ELAPOR2: variants seen among roughly 807,000 people sequenced by gnomAD.
The protein encoded by ELAPOR2 is endosome-lysosome associated apoptosis and autophagy regulator family member 2.
Under a neutral mutation model 120.7 loss-of-function variants are expected in ELAPOR2, and 89 were observed. The ratio of observed to expected loss-of-function variants is 0.74; its 90% CI spans 0.62 to 0.88. The LOEUF (loss-of-function observed/expected upper bound fraction) is 0.88, where lower values mean the gene tolerates loss of function less well. Among genes scored for constraint, ELAPOR2 ranks in the 40% least tolerant of loss-of-function variants. The pLI, the probability that ELAPOR2 is intolerant of heterozygous loss-of-function variation, is 0.00. For synonymous variants in ELAPOR2, 444 were observed against 444.9 expected (o/e 1.00, Z 0.03); for missense variants, 1,134 against 1,251.6 (o/e 0.91, Z 1.42).
At chr7:87,050,125 C>A (rs1795059194) in intron 1 of ELAPOR2, among the ~76,000 whole-genome samples, 1 of 152,152 alleles carries the variant, frequency 6.6e-6, no homozygotes, top group South Asian at 2.1e-4. Context: ...CTTACCCAAT[C>A]TATGGTATTC....
intron 18 of ELAPOR2, among the ~76,000 whole-genome samples, chr7:86,902,336 C>T (rs1204947368): frequency 6.6e-6 from 1 of 152,074 alleles, no homozygotes; most frequent in East Asian, 1.9e-4. Context: ...GCCACAATGC[C>T]CAGCTAATTT....
chr7:86,999,836 C>G (rs1793252748), intron 1 of ELAPOR2, among the ~76,000 whole-genome samples: 1 of 152,108 alleles, frequency 6.6e-6, no homozygotes, highest in African/African-American at 2.4e-5. Context: ...TAAGGATAAA[C>G]TCTTTGCATT....
chr7:86,886,296 C>A (rs1268996789), intron 21 of ELAPOR2, among the ~76,000 whole-genome samples: 5 of 152,072 alleles, frequency 3.3e-5, no homozygotes, highest in Non-Finnish European at 7.4e-5. Flanking sequence ...TCTACTTGTT[C>A]TTTTATATCA....
chr7:86,910,198 A>G (rs1584337721), intron 15 of ELAPOR2, among the ~76,000 whole-genome samples, 197 bp from the exon 16 acceptor site: 1 of 152,202 alleles, frequency 6.6e-6, no homozygotes, highest in East Asian at 1.9e-4. Flanking sequence ...ATTCAACCAA[A>G]CTTCAGAGTC....
intron 1 of ELAPOR2, chr7:86,965,811 T>C (rs1329096983): frequency 2.0e-6 from 2 of 985,220 alleles, no homozygotes; most frequent in Non-Finnish European, 2.4e-6. Context: ...TTCAATACCT[T>C]ACTTATTCAG....
At chr7:86,982,183 G>A (rs539553906) in intron 1 of ELAPOR2, among the ~76,000 whole-genome samples, 13 of 152,378 alleles carry the variant, frequency 8.5e-5, no homozygotes, top group Middle Eastern at 3.4e-3. Flanking sequence ...GGAGCCCAAC[G>A]CAGCTCAGCA....
intron 3 of ELAPOR2, 119 bp from the exon 4 acceptor site, chr7:86,945,165 A>T (rs751900878): frequency 2.8e-4 from 243 of 876,614 alleles, no homozygotes; most frequent in Non-Finnish European, 1.8e-4. Flanking sequence ...AGAAAACACC[A>T]GAAGCTTTTC....
In ELAPOR2 at chr7:86,925,636, C is replaced by A. The variant is rs933522338; in HGVS notation, c.1291G>T (p.Gly431Ter). 2 of 1,611,844 alleles carry A rather than the reference C, an allele frequency of 1.2e-6. No homozygotes were observed. Among genetic ancestry groups the A allele is most frequent in the Non-Finnish European group, 1.7e-6 (2 of 1,178,494 alleles). The change falls in exon 10 of 22, where the codon GGA (glycine) becomes TGA (stop). Residue 431 changes from glycine (G) to a stop codon, truncating the protein, a stop_gained. Transcript: ENST00000450689. LOFTEE classifies it high-confidence loss of function. The part of the protein sequence containing the change: ...GTKECRPCPA[G>*]TEPALGFEYK... ...TCAAAGCCAAGTGCAGGCTCCGTTC[C>A]TGCTGGACATGGTCTACATTCTACA...
chr7:86,946,296 A>C (rs1336649790), intron 3 of ELAPOR2, among the ~76,000 whole-genome samples: 1 of 152,186 alleles, frequency 6.6e-6, no homozygotes, highest in Admixed American at 6.5e-5. Flanking sequence ...TACTGGTGGG[A>C]GTCTACAATG....
intron 8 of ELAPOR2, among the ~76,000 whole-genome samples, chr7:86,936,964 A>T (rs1790586734): frequency 1.3e-5 from 2 of 152,098 alleles, no homozygotes; most frequent in South Asian, 4.1e-4. Context: ...TGCCTTACTT[A>T]TTAATAAGGC....
At chr7:86,992,165 T>A (rs1792963277) in intron 1 of ELAPOR2, among the ~76,000 whole-genome samples, 1 of 152,118 alleles carries the variant, frequency 6.6e-6, no homozygotes, top group Admixed American at 6.5e-5. Context: ...GTAGCTAACA[T>A]CTGTAATCCC....
chr7:86,964,813 C>G (rs752885596), intron 2 of ELAPOR2, 91 bp downstream of exon 2: 359 of 1,391,622 alleles, frequency 2.6e-4, no homozygotes, highest in Middle Eastern at 7.2e-4. Flanking sequence ...TTTGTAAGGT[C>G]TCCTACATTC....
At position 86,899,712 on chromosome 7, in the gene ELAPOR2, G is replaced by A. The variant is rs913066109; in HGVS notation, c.2559-2080C>T. Among the ~76,000 whole-genome samples, 3 of 152,212 alleles carry A rather than the reference G, an allele frequency of 2.0e-5. No homozygotes were observed. The South Asian group carries it at 6.2e-4, about 32-fold the overall frequency. On this transcript the variant is annotated intron_variant, in intron 18 of 21. Transcript: ENST00000450689. ...CAAAGTGTCTGTAGACTAAGCAGAG[G>A]TGGTGGGATGTGAATAAAAGCAATG...
intron 1 of ELAPOR2, among the ~76,000 whole-genome samples, chr7:86,969,238 G>A (rs1243597547): frequency 3.9e-5 from 6 of 151,996 alleles, no homozygotes; most frequent in Non-Finnish European, 8.8e-5. Flanking sequence ...TGGATGTCAT[G>A]GTACCCCCTC....
chr7:86,979,207 G>C (rs1443460782), intron 1 of ELAPOR2, among the ~76,000 whole-genome samples: 1 of 152,116 alleles, frequency 6.6e-6, no homozygotes. Flanking sequence ...TGCCACAAGA[G>C]GTAATATAAT....
chr7:86,926,719 A>C lies in ELAPOR2; in HGVS notation c.1270+17T>G, dbSNP rs1790081861. 3.1e-6 allele frequency: 5 copies of C among 1,595,798 alleles called. No individual in the cohort carries two copies. The highest frequency in any genetic ancestry group is 4.3e-6 in the Non-Finnish European group (5 of 1,170,816). ...ATTTTGCTAAAGGCCCAGTTATTGG[A>C]CCAATTGACATCCTACCTTTGGTTC... On this transcript the variant is annotated intron_variant, in intron 9 of 21. Transcript: ENST00000450689.
At chr7:86,921,335 A>T (rs1789819056) in intron 10 of ELAPOR2, among the ~76,000 whole-genome samples, 1 of 152,066 alleles carries the variant, frequency 6.6e-6, no homozygotes, top group Admixed American at 6.6e-5. Flanking sequence ...AGGGGAGGAA[A>T]ATACGGTCAC....
intron 1 of ELAPOR2, among the ~76,000 whole-genome samples, chr7:87,039,819 C>T (rs957116124): frequency 6.6e-6 from 1 of 152,180 alleles, no homozygotes; most frequent in Non-Finnish European, 1.5e-5. Flanking sequence ...GCGTGAGCGA[C>T]GCAGAAGACG....
At chr7:86,899,101 C>T (rs1375628221) in intron 18 of ELAPOR2, among the ~76,000 whole-genome samples, 3 of 152,130 alleles carry the variant, frequency 2.0e-5, no homozygotes, top group South Asian at 2.1e-4. Context: ...GATAGGATCA[C>T]GAAGAACTAA....
Sources: allele counts gnomAD v4.1 joint callset (sites outside exome capture counted in the v4.1 genomes callset), GRCh38; gene constraint gnomAD v4.1.1; transcripts MANE v1.5; gene names NCBI Gene and HGNC (gene_info 2026-07-23, HGNC 2026-07-21).